The following BICD1 variants were observed in gnomAD, a reference collection of about 807,000 sequenced individuals.
BICD1 encodes protein bicaudal D homolog 1.
A neutral mutation model predicts 92.5 loss-of-function variants in BICD1; 35 were observed. That is an observed-to-expected ratio of 0.38 (90% CI 0.29 to 0.50). The LOEUF is 0.50. BICD1 is among the 20% of genes least tolerant of loss of function. BICD1 has a pLI of 0.93. For synonymous variants in BICD1, 429 were observed against 465.1 expected, an observed-to-expected ratio of 0.92 and a Z score of 1.00; for missense variants, 950 against 1,189.8, an observed-to-expected ratio of 0.80 and a Z score of 2.97.
At chr12:32,155,571 GA>G (rs1420309405) in intron 1 of BICD1, among the ~76,000 whole-genome samples, 1 of 152,168 alleles carries the variant, frequency 6.6e-6, no homozygotes, top group Non-Finnish European at 1.5e-5. Context: ...ACAGAGAAAG[GA>G]AAGTTCTTGT....
At chr12:32,292,858 T>G (rs1947760374) in intron 2 of BICD1, among the ~76,000 whole-genome samples, 1 of 152,240 alleles carries the variant, frequency 6.6e-6, no homozygotes, top group Admixed American at 6.5e-5. Flanking sequence ...ATGTTACATG[T>G]ATAAATGTTT....
chr12:32,178,782 C>G (rs1944190977), intron 1 of BICD1, among the ~76,000 whole-genome samples: 1 of 151,924 alleles, frequency 6.6e-6, no homozygotes, highest in Non-Finnish European at 1.5e-5. Flanking sequence ...GTACAAAAGC[C>G]TGGTGGCTGG....
intron 2 of BICD1, among the ~76,000 whole-genome samples, chr12:32,258,250 A>C (rs901990035): frequency 1.5e-4 from 23 of 152,008 alleles, no homozygotes; most frequent in Non-Finnish European, 2.1e-4. Flanking sequence ...CTTTCATTTC[A>C]GTATTTTAGT....
chr12:32,237,182 C>T (rs1448375088), intron 2 of BICD1, among the ~76,000 whole-genome samples: 1 of 152,060 alleles, frequency 6.6e-6, no homozygotes, highest in Admixed American at 6.6e-5. Context: ...GCTTGGCCAC[C>T]AAACCCTAAT....
chr12:32,333,370 C>T (rs1937964058), intron 5 of BICD1: 1 of 804,750 alleles, frequency 1.2e-6, no homozygotes. Flanking sequence ...CCAATCAAAA[C>T]TCACAAGAAA....
chr12:32,198,595 TA>T (rs1944806799), intron 1 of BICD1, among the ~76,000 whole-genome samples: 1 of 149,866 alleles, frequency 6.7e-6, no homozygotes, highest in Admixed American at 6.7e-5. Flanking sequence ...CAAGCCTACC[TA>T]TTTTATTTAC....
chr12:32,127,907 C>CTTTTT (rs369889963), intron 1 of BICD1, among the ~76,000 whole-genome samples: 1 of 143,740 alleles, frequency 7.0e-6, no homozygotes, highest in Non-Finnish European at 1.5e-5. Flanking sequence ...TGATCTAATT[C>CTTTTT]TTTTTTTTTT....
At chr12:32,225,433 C>G (rs1440279727) in intron 2 of BICD1, among the ~76,000 whole-genome samples, 1 of 151,978 alleles carries the variant, frequency 6.6e-6, no homozygotes, top group South Asian at 2.1e-4. Context: ...TGTACACTTA[C>G]GTTTTCGTGA....
At chr12:32,180,491 C>G (rs750648620) in intron 1 of BICD1, among the ~76,000 whole-genome samples, 3 of 151,906 alleles carry the variant, frequency 2.0e-5, no homozygotes, top group Non-Finnish European at 4.4e-5. Flanking sequence ...TATCGGATTT[C>G]CAAAGATACC....
chr12:32,338,886 G>A lies in BICD1; in HGVS notation c.2671G>A (p.Glu891Lys). The A allele has an allele frequency of 6.2e-7, 1 of 1,609,992 alleles. No individual in the cohort carries two copies. The highest frequency in any genetic ancestry group is 8.5e-7 in the Non-Finnish European group (1 of 1,178,468). Residue 891 changes from glutamate (E) to lysine (K), a missense_variant, in exon 8 of 10, where the codon GAA becomes AAA. Around this residue, in one of 5 missense-constraint regions of BICD1, gnomAD observed 179 missense variants for 186.7 expected, o/e 0.96. Transcript: ENST00000652176. ...LRVPPDPTST[E>K]SFLLKGPPSM... is the part of the protein sequence containing the mutation. ...AGTTCCCCCTGATCCCACCTCCACA[G>A]AATCATTTCTTCTGAAGGGCCCCCC...
rs57169109 is a variant in BICD1 at position 32,150,299 on chromosome 12, G to T, written c.213+42755G>T. On this transcript the variant is annotated intron_variant, in intron 1 of 9. Coordinates refer to ENST00000652176, the MANE Select transcript of BICD1 (RefSeq NM_001714.4). ...TTTTAGGTTCCAACATACAAATTTT[G>T]GGAGGACATGAACATCTGGACAGTA... Among the ~76,000 whole-genome samples, 657 of 152,294 alleles carry T rather than the reference G, an allele frequency of 4.3e-3. 3 individuals carry two copies. Among genetic ancestry groups the T allele is most frequent in the African/African-American group, 0.015 (622 of 41,560 alleles).
intron 1 of BICD1, among the ~76,000 whole-genome samples, chr12:32,153,543 G>A (rs1303581496): frequency 6.6e-6 from 1 of 152,100 alleles, no homozygotes; most frequent in Non-Finnish European, 1.5e-5. Flanking sequence ...GATCACTGGA[G>A]CTCACGAATT....
intron 2 of BICD1, among the ~76,000 whole-genome samples, chr12:32,252,609 G>T (rs1946597857): frequency 6.6e-6 from 1 of 152,152 alleles, no homozygotes; most frequent in Admixed American, 6.5e-5. Flanking sequence ...TCTTATAAGG[G>T]TAAGCTTTGT....
chr12:32,119,526 T>C (rs1285140142), intron 1 of BICD1, among the ~76,000 whole-genome samples: 2 of 152,178 alleles, frequency 1.3e-5, no homozygotes, highest in Non-Finnish European at 2.9e-5. Flanking sequence ...ACCCCTCTTC[T>C]ATATTTCCAA....
intron 2 of BICD1, among the ~76,000 whole-genome samples, chr12:32,233,457 C>G (rs563749962): frequency 6.6e-6 from 1 of 151,850 alleles, no homozygotes; most frequent in Non-Finnish European, 1.5e-5. Context: ...ATGCGGAACT[C>G]GTATGGTGTA....
intron 1 of BICD1, among the ~76,000 whole-genome samples, chr12:32,201,512 AG>A (rs991175848): frequency 1.3e-5 from 2 of 152,048 alleles, no homozygotes; most frequent in African/African-American, 4.8e-5. Flanking sequence ...AGGGAAAATT[AG>A]GGGGGAAATT....
chr12:32,275,530 C>A (rs896542151), intron 2 of BICD1, among the ~76,000 whole-genome samples: 41 of 152,324 alleles, frequency 2.7e-4, no homozygotes, highest in African/African-American at 8.9e-4. Context: ...AATGGGGCAA[C>A]CCCCTTTGGG....
intron 1 of BICD1, among the ~76,000 whole-genome samples, chr12:32,212,968 C>A (rs1234048164): frequency 6.6e-6 from 1 of 152,064 alleles, no homozygotes; most frequent in Admixed American, 6.6e-5. Flanking sequence ...AAAAAGTTGC[C>A]CCAAAATACT....
At chr12:32,141,558 C>G (rs1275870778) in intron 1 of BICD1, among the ~76,000 whole-genome samples, 1 of 152,178 alleles carries the variant, frequency 6.6e-6, no homozygotes, top group Non-Finnish European at 1.5e-5. Context: ...ACTGCACCCT[C>G]CACCTCCTGG....
Sources: allele counts gnomAD v4.1 joint callset (sites outside exome capture counted in the v4.1 genomes callset), GRCh38; gene constraint gnomAD v4.1.1; regional missense constraint gnomAD v4.1.1; transcripts MANE v1.5; gene names NCBI Gene and HGNC (gene_info 2026-07-23, HGNC 2026-07-21).